Variants in CDC42BPA observed in about 807,000 individuals in gnomAD.
The protein encoded by CDC42BPA is CDC42 binding protein kinase alpha.
CDC42BPA carries 80 observed loss-of-function variants against 223.5 expected under a neutral mutation model. The ratio of observed to expected loss-of-function variants is 0.36; its 90% CI spans 0.30 to 0.43. The LOEUF is 0.43. CDC42BPA is among the 20% of genes least tolerant of loss of function. CDC42BPA has a pLI of 1.00. For missense variants in CDC42BPA, 1,743 were observed against 2,099.9 expected, an observed-to-expected ratio of 0.83 and a Z score of 3.32; for synonymous variants, 694 against 718.6, an observed-to-expected ratio of 0.97 and a Z score of 0.55.
In CDC42BPA at chr1:227,142,940, C is replaced by A; in HGVS notation, c.1223+5G>T. ...GCCCAAACTATGTTAACTTTTCAAA[C>A]TTACCAGCTACTAGTATATGTAAAA... On this transcript the variant is annotated splice_donor_5th_base_variant and intron_variant, in intron 9 of 36. Coordinates refer to ENST00000366766, the MANE Select transcript of CDC42BPA (RefSeq NM_001394014.1). 6.4e-7 allele frequency: 1 copy of A among 1,552,460 alleles called. No homozygotes were observed. The highest frequency in any genetic ancestry group is 8.7e-7 in the Non-Finnish European group (1 of 1,154,892).
chr1:227,059,929 T>C (rs1404887671), intron 21 of CDC42BPA, among the ~76,000 whole-genome samples: 1 of 151,854 alleles, frequency 6.6e-6, no homozygotes, highest in Non-Finnish European at 1.5e-5. Context: ...CCATCCTGAC[T>C]CAACTTCAGC....
At chr1:227,227,820 T>C (rs916069012) in intron 2 of CDC42BPA, among the ~76,000 whole-genome samples, 1 of 143,166 alleles carries the variant, frequency 7.0e-6, no homozygotes, top group South Asian at 2.2e-4. Flanking sequence ...AGTTACAGGA[T>C]ACAAGGTCCA....
At chr1:227,212,727 A>G (rs932678025) in intron 3 of CDC42BPA, among the ~76,000 whole-genome samples, 4 of 152,234 alleles carry the variant, frequency 2.6e-5, no homozygotes, top group Non-Finnish European at 5.9e-5. Context: ...AATCAGCATT[A>G]AACAGAATTT....
At chr1:227,261,628 T>TC (rs369491306) in intron 1 of CDC42BPA, among the ~76,000 whole-genome samples, 3 of 151,680 alleles carry the variant, frequency 2.0e-5, no homozygotes, top group African/African-American at 7.3e-5. Context: ...AGAAAAATAA[T>TC]CAAAACTTTA....
chr1:227,092,079 A>C (rs1683178307), intron 15 of CDC42BPA, 88 bp from the exon 16 acceptor site: 3 of 683,648 alleles, frequency 4.4e-6, no homozygotes, highest in Non-Finnish European at 7.4e-6. Flanking sequence ...TACATAAAAC[A>C]CAAAATATCA....
intron 5 of CDC42BPA, among the ~76,000 whole-genome samples, chr1:227,167,184 T>C (rs565618666): frequency 6.6e-6 from 1 of 152,170 alleles, no homozygotes; most frequent in Non-Finnish European, 1.5e-5. Flanking sequence ...ATAATGAAGG[T>C]CATAAGTATA....
intron 5 of CDC42BPA, 59 bp downstream of exon 5, chr1:227,193,727 C>T (rs190544365): frequency 5.2e-5 from 67 of 1,293,354 alleles, no homozygotes; most frequent in Non-Finnish European, 6.9e-5. Context: ...AGAAATAGGC[C>T]TCTGTTGCTA....
chr1:227,175,731 T>C (rs1336356037), intron 5 of CDC42BPA, among the ~76,000 whole-genome samples: 1 of 152,142 alleles, frequency 6.6e-6, no homozygotes, highest in African/African-American at 2.4e-5. Flanking sequence ...AACATGACCC[T>C]AAAAGTCTTT....
intron 1 of CDC42BPA, among the ~76,000 whole-genome samples, chr1:227,310,405 T>C (rs1009263944): frequency 2.0e-5 from 3 of 152,054 alleles, no homozygotes; most frequent in African/African-American, 7.2e-5. Flanking sequence ...AACAGTTCCA[T>C]GAGGAAGAGT....
intron 21 of CDC42BPA, among the ~76,000 whole-genome samples, chr1:227,053,990 G>A (rs1468129311): frequency 6.6e-6 from 1 of 152,150 alleles, no homozygotes; most frequent in Non-Finnish European, 1.5e-5. Context: ...AAGCAAAGCA[G>A]AATTGATACA....
rs1021907896 is a variant in CDC42BPA at position 226,994,503 on chromosome 1, C to T, written c.5134-104G>A. The T allele has an allele frequency of 7.5e-7, 1 of 1,342,194 alleles. No individual in the cohort carries two copies. Among genetic ancestry groups the T allele is most frequent in the South Asian group, 1.6e-5 (1 of 62,698 alleles). 83.1% of individuals were successfully genotyped at this position (1,342,194 alleles called of 1,614,324 possible). On this transcript the variant is annotated intron_variant, in intron 36 of 36. Coordinates refer to ENST00000366766, the MANE Select transcript of CDC42BPA (RefSeq NM_001394014.1). This position sits in a 1 kb window ranked among gnomAD's most constrained non-coding sequence, Gnocchi z 4.0. ...CCTCCAGCCACCCTGACCAAATAAC[C>T]CCATGGGGCGGCCTCACTGTCGGTA...
intron 34 of CDC42BPA, chr1:227,010,936 G>C (rs1665061569): frequency 1.5e-6 from 2 of 1,365,356 alleles, no homozygotes; most frequent in Non-Finnish European, 2.0e-6. Flanking sequence ...GGAATATTCA[G>C]GGTTTATGGA....
At chr1:227,132,864 C>T (rs1225285380) in intron 10 of CDC42BPA, among the ~76,000 whole-genome samples, 3 of 151,130 alleles carry the variant, frequency 2.0e-5, no homozygotes, top group East Asian at 2.0e-4. Flanking sequence ...CCGGCCGCCC[C>T]GTCTGAGAAG....
At chr1:227,108,672 C>T (rs1243181723) in intron 14 of CDC42BPA, among the ~76,000 whole-genome samples, 3 of 152,150 alleles carry the variant, frequency 2.0e-5, no homozygotes, top group Non-Finnish European at 4.4e-5. Context: ...CACGGATGCT[C>T]AAGTCTCATA....
chr1:227,143,570 A>C (rs1660097718), intron 8 of CDC42BPA, among the ~76,000 whole-genome samples: 1 of 152,170 alleles, frequency 6.6e-6, no homozygotes, highest in Non-Finnish European at 1.5e-5. Flanking sequence ...CATAGTGCTG[A>C]AGCGCTGTCT....
intron 15 of CDC42BPA, among the ~76,000 whole-genome samples, chr1:227,099,082 G>A (rs1417725874): frequency 1.3e-5 from 2 of 152,086 alleles, no homozygotes; most frequent in African/African-American, 4.8e-5. Context: ...TGTATGTGGT[G>A]ATGTCAGTGT....
At chr1:227,243,957 C>G (rs1331021381) in intron 2 of CDC42BPA, among the ~76,000 whole-genome samples, 1 of 148,852 alleles carries the variant, frequency 6.7e-6, no homozygotes, top group Non-Finnish European at 1.5e-5. Context: ...TAGGCGCTAT[C>G]AAGAAATGCG....
At chr1:227,171,489 C>G (rs1010458032) in intron 5 of CDC42BPA, among the ~76,000 whole-genome samples, 1 of 152,060 alleles carries the variant, frequency 6.6e-6, no homozygotes, top group Non-Finnish European at 1.5e-5. Context: ...TCCACGCCTG[C>G]GCTAGTGGTC....
chr1:227,222,158 C>T (rs1166365396), intron 2 of CDC42BPA, among the ~76,000 whole-genome samples: 1 of 151,156 alleles, frequency 6.6e-6, no homozygotes, highest in African/African-American at 2.4e-5. Flanking sequence ...GTCAAGACTG[C>T]AGTGAGCTGT....
Sources: gnomAD v4.1 joint callset for allele counts (sites outside exome capture counted in the v4.1 genomes callset) on GRCh38, gnomAD v4.1.1 for gene constraint, Gnocchi (gnomAD v3.1) non-coding constraint, MANE v1.5 for transcripts, NCBI Gene and HGNC (gene_info 2026-07-23, HGNC 2026-07-21) for gene names.